The following OCA2 variants were observed in gnomAD, a reference collection of about 807,000 sequenced individuals.
The protein encoded by OCA2 is P protein.
In OCA2, 77 loss-of-function variants were observed where a neutral mutation model predicts 100.2. That is an observed-to-expected ratio of 0.77 (90% CI 0.64 to 0.93). OCA2 has a LOEUF of 0.93. Among genes scored for constraint, OCA2 ranks in the 40% least tolerant of loss-of-function variants. The probability of loss-of-function intolerance (pLI) is 0.00; values close to 1 mark genes in which losing one functional copy is unlikely to be tolerated. For synonymous variants in OCA2, 432 were observed against 439.2 expected, an observed-to-expected ratio of 0.98 and a Z score of 0.21; for missense variants, 1,062 against 1,089.1, an observed-to-expected ratio of 0.98 and a Z score of 0.35.
chr15:27,787,649 A>T (rs1443274542), intron 23 of OCA2, among the ~76,000 whole-genome samples: 3 of 151,900 alleles, frequency 2.0e-5, no homozygotes, highest in Non-Finnish European at 4.4e-5. Flanking sequence ...TATTAGTCTC[A>T]TGAACAATTT....
chr15:28,069,687 G>T (rs1174235425), intron 2 of OCA2, among the ~76,000 whole-genome samples: 1 of 146,252 alleles, frequency 6.8e-6, no homozygotes, highest in Non-Finnish European at 1.5e-5. Flanking sequence ...TGCAGACGGA[G>T]TCTCGTTCAC....
intron 9 of OCA2, among the ~76,000 whole-genome samples, chr15:28,011,635 G>T (rs973907812): frequency 3.9e-5 from 6 of 152,038 alleles, no homozygotes; most frequent in Admixed American, 6.6e-5. Context: ...AAAAAAACTG[G>T]CCCGGCACAG....
At chr15:27,968,801 G>C (rs141933798) in intron 14 of OCA2, among the ~76,000 whole-genome samples, 1 of 152,030 alleles carries the variant, frequency 6.6e-6, no homozygotes, top group Non-Finnish European at 1.5e-5. Context: ...ACACAGAGGC[G>C]GGACTCATGG....
intron 1 of OCA2, among the ~76,000 whole-genome samples, chr15:28,083,683 T>C (rs2044720634): frequency 6.6e-6 from 1 of 152,044 alleles, no homozygotes; most frequent in African/African-American, 2.4e-5. Flanking sequence ...AAAATTTAAA[T>C]TTTTTTATTT....
At chr15:27,757,194 C>T (rs1296686868) in intron 23 of OCA2, among the ~76,000 whole-genome samples, 2 of 152,236 alleles carry the variant, frequency 1.3e-5, no homozygotes, top group African/African-American at 4.8e-5. Context: ...CCAAATGCAT[C>T]AGTCTAACTC....
intron 19 of OCA2, among the ~76,000 whole-genome samples, chr15:27,883,405 A>G (rs1028252670): frequency 7.9e-5 from 12 of 152,312 alleles, no homozygotes; most frequent in Non-Finnish European, 1.5e-4. Context: ...CCCTTAGCAG[A>G]TTGGAATTCA....
the OCA2 span, among the ~76,000 whole-genome samples, chr15:27,745,961 G>A: frequency 6.6e-6 from 1 of 152,134 alleles, no homozygotes; most frequent in African/African-American, 2.4e-5. Context: ...CCAAACCAAT[G>A]TACACCTTAC....
chr15:28,070,698 A>AT (rs1265640125), intron 2 of OCA2, among the ~76,000 whole-genome samples: 3 of 149,520 alleles, frequency 2.0e-5, no homozygotes, highest in Non-Finnish European at 4.4e-5. Flanking sequence ...CAGGATGACA[A>AT]TGGCGGCTTT....
chr15:27,991,562 G>A (rs1430600985), intron 9 of OCA2, among the ~76,000 whole-genome samples: 2 of 152,176 alleles, frequency 1.3e-5, no homozygotes, highest in African/African-American at 4.8e-5. Flanking sequence ...CCAAGGCTGG[G>A]GAAAGCAACA....
intron 23 of OCA2, among the ~76,000 whole-genome samples, chr15:27,761,613 G>A (rs2030847685): frequency 1.3e-5 from 2 of 152,138 alleles, no homozygotes; most frequent in African/African-American, 4.8e-5. Flanking sequence ...CCATAGACAA[G>A]CTTATTCTAA....
chr15:27,983,393 C>T lies in OCA2; in HGVS notation c.1455G>A (p.Gly485=), dbSNP rs1238112685. ...AAACAATAATGACATTTGGAGGGTC[C>T]CCGATGGCAGTGGCAGCTCCTCCAA... The part of the protein sequence containing the change: ...TNIGGAATAI[G]DPPNVIIVSN... Residue 485 remains glycine (G), a synonymous_variant, in exon 14 of 24, where the codon GGG becomes GGA. Coordinates refer to ENST00000354638, the MANE Select transcript of OCA2 (RefSeq NM_000275.3). 2.5e-6 allele frequency: 4 copies of T among 1,614,180 alleles called. No individual in the cohort carries two copies. The highest frequency in any genetic ancestry group is 1.7e-4 in the Middle Eastern group (1 of 6,060).
At chr15:27,874,871 A>C (rs1236051965) in intron 19 of OCA2, among the ~76,000 whole-genome samples, 2 of 152,210 alleles carry the variant, frequency 1.3e-5, no homozygotes, top group African/African-American at 2.4e-5. Flanking sequence ...ATAAATCATA[A>C]TAGAAATTTA....
At position 27,989,583 on chromosome 15, in the gene OCA2, G is replaced by A. The variant is rs200890879; in HGVS notation, c.1182+18C>T. 1,026 of 1,611,140 alleles carry A rather than the reference G, an allele frequency of 6.4e-4. No homozygotes were observed. The highest frequency in any genetic ancestry group is 1.4e-3 in the East Asian group (61 of 44,840). On this transcript the variant is annotated intron_variant, in intron 11 of 23. Coordinates refer to ENST00000354638, the MANE Select transcript of OCA2 (RefSeq NM_000275.3). ...CCGCAGGCGTGGAGCCCAGTCCCAC[G>A]GGGAGAGCTGTAATTACCATGCCAA...
intron 13 of OCA2, 137 bp downstream of exon 13, chr15:27,984,927 A>G: frequency 1.0e-6 from 1 of 971,418 alleles, no homozygotes; most frequent in Non-Finnish European, 1.6e-6. Context: ...GCTGGACTGG[A>G]ATGCAGTGAG....
At chr15:27,816,514 C>T (rs2034305522) in intron 23 of OCA2, among the ~76,000 whole-genome samples, 1 of 152,218 alleles carries the variant, frequency 6.6e-6, no homozygotes, top group African/African-American at 2.4e-5. Context: ...GTGGATTTCT[C>T]AGCGCCCCAG....
At chr15:27,908,231 A>G (rs760025039) in intron 19 of OCA2, among the ~76,000 whole-genome samples, 2 of 152,178 alleles carry the variant, frequency 1.3e-5, no homozygotes, top group Non-Finnish European at 2.9e-5. Context: ...ATATTAGGAA[A>G]TTCATTAGTA....
intron 9 of OCA2, among the ~76,000 whole-genome samples, chr15:28,014,133 C>T (rs1015749894): frequency 1.3e-5 from 2 of 152,202 alleles, no homozygotes; most frequent in African/African-American, 2.4e-5. Context: ...TTCCAGGCTC[C>T]TGTCCGTGTT....
At chr15:28,064,266 A>G (rs2043959090) in intron 2 of OCA2, among the ~76,000 whole-genome samples, 1 of 152,020 alleles carries the variant, frequency 6.6e-6, no homozygotes, top group African/African-American at 2.4e-5. Context: ...AGTCTCTTTA[A>G]GTTTACCTTA....
intron 21 of OCA2, among the ~76,000 whole-genome samples, chr15:27,870,022 G>A (rs886620134): frequency 1.3e-5 from 2 of 152,220 alleles, no homozygotes; most frequent in Non-Finnish European, 2.9e-5. Context: ...CAAGCAACTA[G>A]AGGGCCAACC....
Sources: allele counts gnomAD v4.1 joint callset (sites outside exome capture counted in the v4.1 genomes callset), GRCh38; gene constraint gnomAD v4.1.1; transcripts MANE v1.5; gene names NCBI Gene and HGNC (gene_info 2026-07-23, HGNC 2026-07-21).